The following CHIC2 variants were observed in gnomAD, a reference collection of about 807,000 sequenced individuals.
CHIC2 encodes the protein cysteine-rich hydrophobic domain-containing protein 2.
A neutral mutation model predicts 25.9 loss-of-function variants in CHIC2; 14 were observed. That is an observed-to-expected ratio of 0.54 (90% CI 0.36 to 0.85). The LOEUF (loss-of-function observed/expected upper bound fraction) is 0.85, where lower values mean the gene tolerates loss of function less well. CHIC2 is among the 40% of genes least tolerant of loss of function. The pLI is 0.01. For missense variants in CHIC2, 146 were observed against 202.0 expected, an observed-to-expected ratio of 0.72 and a Z score of 1.68; for synonymous variants, 70 against 72.0, an observed-to-expected ratio of 0.97 and a Z score of 0.14.
chr4:54,021,333 G>A (rs1034307816), intron 3 of CHIC2, among the ~76,000 whole-genome samples: 3 of 152,150 alleles, frequency 2.0e-5, no homozygotes. Flanking sequence ...TGCTCCCAAT[G>A]CGACTCATCC....
chr4:54,027,827 T>C (rs535736602), intron 3 of CHIC2, among the ~76,000 whole-genome samples: 32 of 152,182 alleles, frequency 2.1e-4, no homozygotes, highest in Non-Finnish European at 4.1e-4. Flanking sequence ...AAAATAACTT[T>C]ACCAGAAGTC....
At chr4:54,067,707 C>G (rs1373495910), upstream of CHIC2, among the ~76,000 whole-genome samples, 1 of 152,154 alleles carries the variant, frequency 6.6e-6, no homozygotes, top group East Asian at 1.9e-4. Flanking sequence ...TAATGTCAGG[C>G]CTCAGGAGTC....
At chr4:54,035,269 G>C (rs551172637) in intron 3 of CHIC2, among the ~76,000 whole-genome samples, 1 of 152,250 alleles carries the variant, frequency 6.6e-6, no homozygotes, top group African/African-American at 2.4e-5. Flanking sequence ...AGCTGGGAAG[G>C]GTTCTTTTCT....
At chr4:54,065,444 G>T, upstream of CHIC2, 1 of 332,018 alleles carries the variant, frequency 3.0e-6, no homozygotes, top group Non-Finnish European at 4.3e-6. Context: ...AGACCTGAAA[G>T]AAAGGGCAGA....
the CHIC2 span, among the ~76,000 whole-genome samples, chr4:54,086,293 G>A: frequency 6.6e-6 from 1 of 152,018 alleles, no homozygotes; most frequent in Admixed American, 6.5e-5. Context: ...GCATGGAGAA[G>A]ATTATGAGAC....
chr4:54,081,442 C>T, the CHIC2 span, among the ~76,000 whole-genome samples: 90 of 151,882 alleles, frequency 5.9e-4, no homozygotes, highest in African/African-American at 2.1e-3. Context: ...TACTTATTAT[C>T]GCTATTATTC....
rs76562401 is a variant in CHIC2 at position 54,048,646 on chromosome 4, G to A, written c.330+309C>T. ...GTTAGGAAACGTGCCTAAGGTCACA[G>A]AGAAAAGTGGTAGAGCTGAAGCCAG... On this transcript the variant is annotated intron_variant, in intron 3 of 5. Coordinates refer to ENST00000263921, the MANE Select transcript of CHIC2 (RefSeq NM_012110.4). Among the ~76,000 whole-genome samples, 1,306 of 152,226 alleles carry A rather than the reference G, an allele frequency of 8.6e-3. 21 individuals carry two copies. Among genetic ancestry groups the A allele is most frequent in the African/African-American group, 0.03 (1,233 of 41,536 alleles).
the CHIC2 span, among the ~76,000 whole-genome samples, chr4:54,078,252 T>C: frequency 1.3e-5 from 2 of 152,328 alleles, no homozygotes; most frequent in East Asian, 3.9e-4. Flanking sequence ...ATGTTGCTTT[T>C]TATTCTCGTT....
At chr4:54,071,071 A>G in the CHIC2 span, among the ~76,000 whole-genome samples, 1 of 152,226 alleles carries the variant, frequency 6.6e-6, no homozygotes, top group African/African-American at 2.4e-5. Context: ...AGCAACAGAG[A>G]TCCTCTTCGC....
intron 3 of CHIC2, among the ~76,000 whole-genome samples, chr4:54,047,059 C>T (rs1482117828): frequency 6.6e-6 from 1 of 152,194 alleles, no homozygotes; most frequent in Non-Finnish European, 1.5e-5. Context: ...TGCTCATCAT[C>T]ACTGGCCATC....
chr4:54,077,061 A>C, the CHIC2 span, among the ~76,000 whole-genome samples: 3 of 152,200 alleles, frequency 2.0e-5, no homozygotes, highest in Non-Finnish European at 4.4e-5. Context: ...TAATTATAGT[A>C]CTCATTCATA....
chr4:54,090,591 A>G, the CHIC2 span, among the ~76,000 whole-genome samples: 1 of 152,298 alleles, frequency 6.6e-6, no homozygotes, highest in Non-Finnish European at 1.5e-5. Flanking sequence ...GTCATCACAC[A>G]TCAACGTCGT....
intron 3 of CHIC2, among the ~76,000 whole-genome samples, chr4:54,032,347 G>A (rs1029233523): frequency 1.4e-5 from 2 of 140,858 alleles, no homozygotes; most frequent in Admixed American, 1.5e-4. Flanking sequence ...TGCCATCTCG[G>A]CTCACTGCAA....
intron 3 of CHIC2, among the ~76,000 whole-genome samples, chr4:54,031,478 C>A (rs1255725581): frequency 1.3e-5 from 2 of 151,984 alleles, no homozygotes; most frequent in Admixed American, 6.6e-5. Context: ...GGCACTGTGA[C>A]AGCACTGAGG....
At chr4:54,089,296 T>A in the CHIC2 span, among the ~76,000 whole-genome samples, 2 of 151,930 alleles carry the variant, frequency 1.3e-5, no homozygotes, top group Non-Finnish European at 2.9e-5. Flanking sequence ...TGAAATCCAA[T>A]CTTTAAAAAT....
At chr4:54,023,929 C>T (rs1185466795) in intron 3 of CHIC2, among the ~76,000 whole-genome samples, 6 of 152,216 alleles carry the variant, frequency 3.9e-5, no homozygotes, top group Non-Finnish European at 8.8e-5. Flanking sequence ...CTTCTCAAGG[C>T]CGCTTTACTT....
intron 3 of CHIC2, among the ~76,000 whole-genome samples, chr4:54,030,898 C>T (rs143219714): frequency 0.059 from 8,645 of 145,734 alleles, 848 homozygotes; most frequent in African/African-American, 0.2. Flanking sequence ...TTTTTTGAGA[C>T]GGAGTCTCAC....
At chr4:54,057,867 T>C (rs566430215) in intron 1 of CHIC2, among the ~76,000 whole-genome samples, 1 of 152,350 alleles carries the variant, frequency 6.6e-6, no homozygotes, top group East Asian at 1.9e-4. Context: ...TCTCTTACTT[T>C]ATATGCAGTT....
At position 54,014,047 on chromosome 4, in the gene CHIC2, T is replaced by C; in HGVS notation, c.387+16A>G. The C allele has an allele frequency of 1.9e-6, 3 of 1,612,802 alleles. No homozygotes were observed. The highest frequency in any genetic ancestry group is 2.2e-5 in the South Asian group (2 of 91,026). ...TCAGACCCCAACAGTACGAAGCTGC[T>C]CCCTGTGGTACTCACCTTGTGGTAT... On this transcript the variant is annotated intron_variant, in intron 4 of 5. Coordinates refer to ENST00000263921, the MANE Select transcript of CHIC2 (RefSeq NM_012110.4).
Sources: allele counts gnomAD v4.1 joint callset (sites outside exome capture counted in the v4.1 genomes callset), GRCh38; gene constraint gnomAD v4.1.1; transcripts MANE v1.5; gene names NCBI Gene and HGNC (gene_info 2026-07-23, HGNC 2026-07-21).